Variants in SDK1 observed in about 807,000 individuals in gnomAD.
The protein encoded by SDK1 is protein sidekick-1.
SDK1 carries 157 observed loss-of-function variants against 245.5 expected under a neutral mutation model. The ratio of observed to expected loss-of-function variants is 0.64; its 90% CI spans 0.56 to 0.73. The LOEUF is 0.73. Ranked by LOEUF, SDK1 falls within the 30% of genes least tolerant of loss-of-function variation. The pLI is 0.00. For synonymous variants in SDK1, 1,647 were observed against 1,278.5 expected (o/e 1.29, Z -6.15); for missense variants, 3,583 against 3,002.3 (o/e 1.19, Z -4.52).
chr7:4,144,337 G>C (rs1213586707), intron 28 of SDK1, among the ~76,000 whole-genome samples: 1 of 152,178 alleles, frequency 6.6e-6, no homozygotes, highest in Non-Finnish European at 1.5e-5. Context: ...AGGCAGGGCA[G>C]CGGCTGCGAC....
chr7:4,116,383 A>T (rs1783711031), intron 25 of SDK1, among the ~76,000 whole-genome samples: 1 of 152,164 alleles, frequency 6.6e-6, no homozygotes, highest in African/African-American at 2.4e-5. Flanking sequence ...AGCAGCGCCC[A>T]GCACACCGAG....
intron 1 of SDK1, among the ~76,000 whole-genome samples, chr7:3,377,941 G>C (rs1424005655): frequency 2.0e-5 from 3 of 152,006 alleles, no homozygotes; most frequent in Non-Finnish European, 2.9e-5. Flanking sequence ...ACCATGCCCA[G>C]CTAATTTTTG....
At chr7:3,608,805 C>T (rs1342511740) in intron 1 of SDK1, among the ~76,000 whole-genome samples, 1 of 152,208 alleles carries the variant, frequency 6.6e-6, no homozygotes, top group African/African-American at 2.4e-5. Context: ...TGCAACTAAC[C>T]TTTATGAAAC....
Position 4,208,109 on chromosome 7 carries a change from G to A in SDK1, c.5225G>A (p.Trp1742Ter). The A allele has an allele frequency of 6.2e-7, 1 of 1,612,752 alleles. No homozygotes were observed. The highest frequency in any genetic ancestry group is 8.5e-7 in the Non-Finnish European group (1 of 1,179,448). ...GNIQGYKIYY[W>*]EADSQNETEK... ...TGCTGTTCCTAACAGATTTACTACT[G>A]GGAGGCAGACAGCCAGAACGAAACG... The change falls in exon 37 of 45, where the codon TGG becomes TAG. Residue 1742 changes from tryptophan (W) to a stop codon, truncating the protein, a stop_gained. Coordinates refer to ENST00000404826, the MANE Select transcript of SDK1 (RefSeq NM_152744.4). LOFTEE classifies it high-confidence loss of function.
At chr7:4,103,952 G>T (rs1284626638) in intron 22 of SDK1, among the ~76,000 whole-genome samples, 1 of 152,276 alleles carries the variant, frequency 6.6e-6, no homozygotes, top group African/African-American at 2.4e-5. Context: ...GCCAGCAGCC[G>T]CACAAACCAG....
chr7:3,686,076 T>A (rs1275728417), intron 4 of SDK1, among the ~76,000 whole-genome samples: 1 of 151,522 alleles, frequency 6.6e-6, no homozygotes, highest in Non-Finnish European at 1.5e-5. Flanking sequence ...GGCAAACTTT[T>A]TTTTATTTTA....
intron 1 of SDK1, among the ~76,000 whole-genome samples, chr7:3,585,338 G>T (rs566905322): frequency 1.9e-3 from 282 of 152,300 alleles, no homozygotes; most frequent in Admixed American, 3.9e-3. Context: ...TTGATGAAGT[G>T]AATCAGAACT....
chr7:3,406,337 A>G (rs565923738), intron 1 of SDK1, among the ~76,000 whole-genome samples: 20 of 152,334 alleles, frequency 1.3e-4, no homozygotes, highest in Non-Finnish European at 2.5e-4. Context: ...CCCAGACAAT[A>G]TAAATAGCCC....
intron 2 of SDK1, among the ~76,000 whole-genome samples, chr7:3,635,878 G>A (rs534438468): frequency 1.5e-4 from 23 of 152,114 alleles, no homozygotes; most frequent in South Asian, 6.2e-4. Context: ...GCTAATTTTT[G>A]TATTTTTTGT....
chr7:3,437,613 T>C (rs1314980913), intron 1 of SDK1, among the ~76,000 whole-genome samples: 1 of 151,878 alleles, frequency 6.6e-6, no homozygotes, highest in Non-Finnish European at 1.5e-5. Flanking sequence ...CTACAAAAAA[T>C]AAAGTTAGCT....
At chr7:3,763,609 A>T (rs750200530) in intron 4 of SDK1, among the ~76,000 whole-genome samples, 1 of 152,228 alleles carries the variant, frequency 6.6e-6, no homozygotes, top group Non-Finnish European at 1.5e-5. Flanking sequence ...ATTTGCACAC[A>T]ATAAAATGGA....
intron 1 of SDK1, among the ~76,000 whole-genome samples, chr7:3,346,273 T>G (rs952448063): frequency 5.9e-5 from 9 of 152,134 alleles, no homozygotes; most frequent in African/African-American, 2.2e-4. Flanking sequence ...GCTCTGGGGC[T>G]GGTTTCGGTG....
At chr7:4,177,006 C>T (rs1782256037) in intron 34 of SDK1, among the ~76,000 whole-genome samples, 2 of 152,212 alleles carry the variant, frequency 1.3e-5, no homozygotes, top group African/African-American at 4.8e-5. Flanking sequence ...CAGAACTTGG[C>T]TGGTTTGGGA....
intron 4 of SDK1, among the ~76,000 whole-genome samples, chr7:3,743,594 C>G (rs1385424791): frequency 2.0e-5 from 3 of 152,154 alleles, no homozygotes; most frequent in Non-Finnish European, 4.4e-5. Flanking sequence ...ACCCTAGTAC[C>G]ACAAAATAAC....
intron 42 of SDK1, among the ~76,000 whole-genome samples, chr7:4,239,612 C>A (rs1786395523): frequency 1.3e-5 from 2 of 152,178 alleles, no homozygotes; most frequent in African/African-American, 2.4e-5. Flanking sequence ...GATCCTCCCA[C>A]CTCAGCCTCC....
intron 30 of SDK1, among the ~76,000 whole-genome samples, chr7:4,152,800 C>G (rs892926454): frequency 6.6e-6 from 1 of 152,176 alleles, no homozygotes; most frequent in Non-Finnish European, 1.5e-5. Flanking sequence ...CTGTGAGTAT[C>G]CAGAAAACAT....
intron 2 of SDK1, among the ~76,000 whole-genome samples, chr7:3,631,987 A>G (rs1258197118): frequency 6.6e-6 from 1 of 152,200 alleles, no homozygotes; most frequent in Admixed American, 6.5e-5. Context: ...TTATGTAGAA[A>G]CTAACATTTG....
Position 4,002,223 on chromosome 7 carries a change from G to A in SDK1, c.2132-8743G>A, listed in dbSNP as rs374034987. Among the ~76,000 whole-genome samples the A allele has an allele frequency of 4.3e-3, 584 of 135,732 alleles. 11 individuals carry two copies. The South Asian group carries it at 0.064, about 15-fold the overall frequency. The allele number at this position is 135,732 out of a possible 152,430, so 89.0% of individuals were successfully genotyped here. A position where few individuals can be genotyped will look rare whatever the true frequency, so the allele number is the denominator to read the frequency against. On this transcript the variant is annotated intron_variant, in intron 14 of 44. Coordinates refer to ENST00000404826, the MANE Select transcript of SDK1 (RefSeq NM_152744.4). ...GAGAAGCTTTTTCGTAGCCCTGGCT[G>A]TGCCCGTCTCTGAGTCTGGGCTCCA...
intron 2 of SDK1, among the ~76,000 whole-genome samples, 155 bp downstream of exon 2, chr7:3,619,394 G>A (rs1023722054): frequency 6.6e-6 from 1 of 152,224 alleles, no homozygotes; most frequent in African/African-American, 2.4e-5. Flanking sequence ...TAATTAGAAT[G>A]TGATTTACTA....
Sources: allele counts gnomAD v4.1 joint callset (sites outside exome capture counted in the v4.1 genomes callset), GRCh38; gene constraint gnomAD v4.1.1; transcripts MANE v1.5; gene names NCBI Gene and HGNC (gene_info 2026-07-23, HGNC 2026-07-21).